Variants in EIF2AK3 observed in about 807,000 individuals in gnomAD.
EIF2AK3 encodes eukaryotic translation initiation factor 2-alpha kinase 3.
A neutral mutation model predicts 113.5 loss-of-function variants in EIF2AK3; 50 were observed. The ratio of observed to expected loss-of-function variants is 0.44; its 90% CI spans 0.35 to 0.56. The LOEUF is 0.56. Among genes scored for constraint, EIF2AK3 ranks in the 20% least tolerant of loss-of-function variants. The pLI is 0.00. For synonymous variants in EIF2AK3, 448 were observed against 495.4 expected (o/e 0.90, Z 1.27); for missense variants, 1,185 against 1,378.0 (o/e 0.86, Z 2.22).
chr2:88,574,222 C>T (rs1674390158), intron 13 of EIF2AK3, among the ~76,000 whole-genome samples: 3 of 152,186 alleles, frequency 2.0e-5, no homozygotes, highest in South Asian at 4.2e-4. Context: ...ATGAAGGAAC[C>T]CATGTCTCTC....
At chr2:88,624,150 C>T (rs1490038550) in intron 1 of EIF2AK3, among the ~76,000 whole-genome samples, 1 of 152,102 alleles carries the variant, frequency 6.6e-6, no homozygotes, top group Non-Finnish European at 1.5e-5. Context: ...CGCCACCATG[C>T]CTGGCTAATT....
At chr2:88,573,077 T>TACAG (rs1360843708) in intron 13 of EIF2AK3, among the ~76,000 whole-genome samples, 2 of 150,000 alleles carry the variant, frequency 1.3e-5, no homozygotes, top group Non-Finnish European at 3.0e-5. Context: ...TAGCAAAATG[T>TACAG]ACAGCTTTTT....
rs1443330902 is a variant in EIF2AK3, at chr2:88,575,243, T to C, written c.2240A>G (p.Asp747Gly). 8.7e-6 allele frequency: 14 copies of C among 1,613,830 alleles called. No homozygotes were observed. In the South Asian group the frequency reaches 1.5e-4, roughly 18 times the overall value. The change falls in exon 13 of 17, where the codon GAC becomes GGC. Residue 747 changes from aspartate (D) to glycine (G), a missense_variant. By Grantham distance (94) the Asp-to-Gly change is moderately conservative (BLOSUM62 -1). Transcript: ENST00000303236. ...QFSPLEFSGM[D>G]HEDISESVDA... Reference sequence around the variant, plus strand: ...CACTGACTCACTGATGTCCTCATGGTCCATTCCTGAGAATTCCAGTGGTGA... The same window carrying C: ...CACTGACTCACTGATGTCCTCATGGCCCATTCCTGAGAATTCCAGTGGTGA...
rs1253714888 is a variant in EIF2AK3, at chr2:88,595,545, T to G, written c.557A>C (p.Tyr186Ser). 1.9e-6 allele frequency: 3 copies of G among 1,613,962 alleles called. No homozygotes were observed. Among genetic ancestry groups the G allele is most frequent in the Admixed American group, 1.7e-5 (1 of 60,006 alleles). ...FTVESLLESS[Y>S]KFGDDVVLVG... ...CAAAACAACATCATCTCCAAATTTATAAGAAGATTCAAGAAGTGATTCAAC... is the reference window on the plus strand; with the variant it reads ...CAAAACAACATCATCTCCAAATTTAGAAGAAGATTCAAGAAGTGATTCAAC... Residue 186 changes from tyrosine (Y) to serine (S), a missense_variant, in exon 3 of 17, where the codon TAT (tyrosine) becomes TCT (serine). Tyr to Ser is a moderately radical substitution (Grantham distance 144). Coordinates refer to ENST00000303236, the MANE Select transcript of EIF2AK3 (RefSeq NM_004836.7).
intron 1 of EIF2AK3, among the ~76,000 whole-genome samples, chr2:88,626,075 T>C (rs1675849990): frequency 6.6e-6 from 1 of 152,214 alleles, no homozygotes; most frequent in Non-Finnish European, 1.5e-5. Context: ...ATTTATAAAA[T>C]GGGACATCAC....
chr2:88,619,364 T>C (rs1352211812), intron 1 of EIF2AK3, among the ~76,000 whole-genome samples: 1 of 152,176 alleles, frequency 6.6e-6, no homozygotes, highest in Middle Eastern at 3.2e-3. Flanking sequence ...TCTACCTAGA[T>C]GGTCAATGTC....
chr2:88,563,810 A>G lies in EIF2AK3; in HGVS notation c.2986-1420T>C, dbSNP rs919366919. Among the ~76,000 whole-genome samples, 16 of 152,352 alleles carry G rather than the reference A, an allele frequency of 1.1e-4. No homozygotes were observed. The East Asian group carries it at 3.1e-3, about 29-fold the overall frequency. On this transcript the variant is annotated intron_variant, in intron 14 of 16. Coordinates refer to ENST00000303236, the MANE Select transcript of EIF2AK3 (RefSeq NM_004836.7). Reference sequence around the variant, plus strand: ...ATTGTATCCAAAATGTTAGAGTAGAATTCCAATTTTATTTTCTAAAGTAAG... The same window carrying G: ...ATTGTATCCAAAATGTTAGAGTAGAGTTCCAATTTTATTTTCTAAAGTAAG...
intron 2 of EIF2AK3, among the ~76,000 whole-genome samples, chr2:88,607,071 A>C (rs1001687935): frequency 6.6e-6 from 1 of 152,242 alleles, no homozygotes; most frequent in African/African-American, 2.4e-5. Context: ...CACAATTACA[A>C]TATGCATTCT....
Position 88,576,643 on chromosome 2 carries a change from C to T in EIF2AK3, c.1947G>A (p.Pro649=), listed in dbSNP as rs765544171. 46 of 1,613,940 alleles carry T rather than the reference C, an allele frequency of 2.9e-5. No homozygotes were observed. Among genetic ancestry groups the T allele is most frequent in the South Asian group, 2.5e-4 (23 of 91,086 alleles). Residue 649 remains proline (P), a synonymous_variant, in exon 12 of 17, where the codon CCG becomes CCA. Transcript: ENST00000303236. ...AGGCATTGAAATATCTAACAATGCC[C>T]GGGTGTTCAAGCTTGGCTAAGGCTT... ...EVKALAKLEH[P]GIVRYFNAWL...
chr2:88,623,581 A>C (rs1315173671), intron 1 of EIF2AK3, among the ~76,000 whole-genome samples: 1 of 152,208 alleles, frequency 6.6e-6, no homozygotes, highest in East Asian at 1.9e-4. Flanking sequence ...GCAGTTCTTC[A>C]CAGCTGTTCA....
intron 1 of EIF2AK3, among the ~76,000 whole-genome samples, chr2:88,616,548 TC>T (rs1675573159): frequency 6.6e-6 from 1 of 152,154 alleles, no homozygotes; most frequent in Admixed American, 6.5e-5. Context: ...AGCCTCAGCC[TC>T]CCAAGTAGCT....
upstream of EIF2AK3, chr2:88,627,596 C>T (rs1197734995): frequency 1.6e-5 from 5 of 309,804 alleles, no homozygotes; most frequent in Admixed American, 5.1e-5. Context: ...AACATCGCAC[C>T]TACCAATCAA....
At position 88,595,661 on chromosome 2, in the gene EIF2AK3, T is replaced by C. The variant is rs138199678; in HGVS notation, c.441A>G (p.Val147=). The stretch of plus-strand genomic sequence containing the variant: ...AAGGAATGATCATCTTATTCCCAAA[T>C]ACCTAAAACAGAAGCTAACTTTTTA... ...LVSSSLSKPE[V]FGNKMIIPSL... is the part of the protein sequence containing the mutation. The change falls in exon 3 of 17, where the codon GTA becomes GTG. Residue 147 remains valine, a splice_region_variant and synonymous_variant. Coordinates refer to ENST00000303236, the MANE Select transcript of EIF2AK3 (RefSeq NM_004836.7). 51 of 1,613,566 alleles carry C rather than the reference T, an allele frequency of 3.2e-5. No individual in the cohort carries two copies. Among genetic ancestry groups the C allele is most frequent in the Non-Finnish European group, 4.3e-5 (51 of 1,179,702 alleles).
intron 14 of EIF2AK3, among the ~76,000 whole-genome samples, chr2:88,566,965 G>T (rs1674145902): frequency 6.6e-6 from 1 of 151,838 alleles, no homozygotes; most frequent in South Asian, 2.1e-4. Flanking sequence ...AAAATTTCCA[G>T]CCAGCAAAAC....
chr2:88,596,702 T>C (rs561960522), intron 2 of EIF2AK3, among the ~76,000 whole-genome samples: 5 of 151,876 alleles, frequency 3.3e-5, no homozygotes, highest in Middle Eastern at 3.2e-3. Context: ...GAGGCAAGAG[T>C]GGAGGCAGAG....
chr2:88,595,321 A>G, intron 3 of EIF2AK3, 148 bp downstream of exon 3: 1 of 753,674 alleles, frequency 1.3e-6, no homozygotes, highest in Non-Finnish European at 2.2e-6. Context: ...TCCCCTTCCT[A>G]CCTCACAGTT....
At chr2:88,561,730 G>C (rs1020652596) in intron 15 of EIF2AK3, among the ~76,000 whole-genome samples, 1 of 152,102 alleles carries the variant, frequency 6.6e-6, no homozygotes, top group African/African-American at 2.4e-5. Flanking sequence ...ATAGTGGCAC[G>C]TGCCTGTGGT....
chr2:88,619,450 T>C (rs112260366), intron 1 of EIF2AK3, among the ~76,000 whole-genome samples: 10 of 152,288 alleles, frequency 6.6e-5, no homozygotes, highest in South Asian at 2.1e-4. Flanking sequence ...CTCTCCCCTA[T>C]CCTAGTTCTG....
At chr2:88,587,543 G>C (rs1674767978) in intron 8 of EIF2AK3, among the ~76,000 whole-genome samples, 1 of 152,062 alleles carries the variant, frequency 6.6e-6, no homozygotes, top group Non-Finnish European at 1.5e-5. Context: ...TTTTCATGTA[G>C]TTTTATGAAA....
Sources: gnomAD v4.1 joint callset for allele counts (sites outside exome capture counted in the v4.1 genomes callset) on GRCh38, gnomAD v4.1.1 for gene constraint, MANE v1.5 for transcripts, NCBI Gene and HGNC (gene_info 2026-07-23, HGNC 2026-07-21) for gene names.